Variants in CELF2 observed in about 807,000 individuals in gnomAD.
CELF2 encodes the protein CUGBP Elav-like family member 2.
In CELF2, 8 loss-of-function variants were observed where a neutral mutation model predicts 62.6. The observed-to-expected ratio is 0.13, with a 90% CI of 0.07 to 0.23. The LOEUF (loss-of-function observed/expected upper bound fraction) is 0.23. Ranked by LOEUF, CELF2 falls within the 10% of genes least tolerant of loss-of-function variation. CELF2 has a pLI of 1.00. For synonymous variants in CELF2, 258 were observed against 250.0 expected, an observed-to-expected ratio of 1.03 and a Z score of -0.30; for missense variants, 333 against 671.0, an observed-to-expected ratio of 0.50 and a Z score of 5.56.
chr10:10,895,660 C>T (rs2062494122), intron 1 of CELF2, among the ~76,000 whole-genome samples: 1 of 152,174 alleles, frequency 6.6e-6, no homozygotes, highest in Admixed American at 6.5e-5. Flanking sequence ...AGGATATCTG[C>T]TTCTGACCCA....
At chr10:10,497,320 A>C in the CELF2 span, among the ~76,000 whole-genome samples, 1 of 152,128 alleles carries the variant, frequency 6.6e-6, no homozygotes. Flanking sequence ...ACAGAGGAAG[A>C]GAAACAAAGG....
At chr10:10,906,870 C>T (rs181052035) in intron 1 of CELF2, among the ~76,000 whole-genome samples, 4 of 151,974 alleles carry the variant, frequency 2.6e-5, no homozygotes, top group East Asian at 1.9e-4. Flanking sequence ...AGGCACAAGC[C>T]GCCACACCCA....
chr10:10,900,248 T>C (rs377146212), intron 1 of CELF2, among the ~76,000 whole-genome samples: 89 of 152,332 alleles, frequency 5.8e-4, no homozygotes, highest in African/African-American at 2.0e-3. Flanking sequence ...CATCACCCTG[T>C]TAGCACAAGC....
the CELF2 span, among the ~76,000 whole-genome samples, chr10:10,556,458 G>C: frequency 6.6e-6 from 1 of 152,192 alleles, no homozygotes; most frequent in Admixed American, 6.5e-5. Flanking sequence ...TTGGTTCCAA[G>C]TCTTTGCTAT....
chr10:11,136,037 A>G (rs1014509496), intron 1 of CELF2, among the ~76,000 whole-genome samples: 2 of 152,184 alleles, frequency 1.3e-5, no homozygotes, highest in African/African-American at 4.8e-5. Context: ...ACTTGGCTAG[A>G]TGGTGGGAAT....
chr10:10,966,655 G>A lies in CELF2; in HGVS notation c.89+46656G>A, dbSNP rs543445736. On this transcript the variant is annotated intron_variant, in intron 2 of 13. Coordinates refer to the CELF2 transcript ENST00000636488. The stretch of plus-strand genomic sequence containing the variant: ...AATCTAAATGCCTGGAGCTGAGCAG[G>A]TGTTTCATGTCGAGAAAGAGAAGAA... The A allele has an allele frequency of 1.2e-4, 18 of 152,328 alleles. No individual in the cohort carries two copies. The East Asian group carries it at 3.5e-3, about 29-fold the overall frequency. The allele number at this position is 152,328 out of a possible 1,614,324, so 9.4% of individuals were successfully genotyped here.
At chr10:10,744,699 G>A in the CELF2 span, among the ~76,000 whole-genome samples, 1 of 151,304 alleles carries the variant, frequency 6.6e-6, no homozygotes, top group African/African-American at 2.4e-5. Context: ...TTTTTAGCAA[G>A]CATCCATGGA....
chr10:11,307,854 T>C (rs750292072), intron 9 of CELF2, among the ~76,000 whole-genome samples: 2 of 152,196 alleles, frequency 1.3e-5, no homozygotes, highest in Non-Finnish European at 2.9e-5. Context: ...TGATGCCCCA[T>C]GCCAGCCAAC....
intron 1 of CELF2, among the ~76,000 whole-genome samples, chr10:11,019,188 G>A (rs538477697): frequency 2.4e-4 from 36 of 152,266 alleles, no homozygotes; most frequent in South Asian, 8.3e-4. Flanking sequence ...GGCATGTTAG[G>A]AAAAGGAAAC....
intron 1 of CELF2, among the ~76,000 whole-genome samples, chr10:10,868,246 T>C (rs2060508326): frequency 6.6e-6 from 1 of 152,168 alleles, no homozygotes; most frequent in Non-Finnish European, 1.5e-5. Context: ...TGACGTCAGA[T>C]GTTGGCTAGG....
At chr10:10,566,319 T>G in the CELF2 span, among the ~76,000 whole-genome samples, 1 of 150,418 alleles carries the variant, frequency 6.6e-6, no homozygotes, top group African/African-American at 2.5e-5. Context: ...AAAAAAAAAA[T>G]AGTGTCCCAG....
rs1472826000 is a variant in CELF2 at position 11,005,996 on chromosome 10, T to C, written c.53+556T>C. Among the ~76,000 whole-genome samples, 1 of 152,178 alleles carries C rather than the reference T, an allele frequency of 6.6e-6. No homozygotes were observed. The highest frequency in any genetic ancestry group is 2.4e-5 in the African/African-American group (1 of 41,440). On this transcript the variant is annotated intron_variant, in intron 1 of 12. Transcript: ENST00000416382. The surrounding 1 kb of genome is among the most constrained non-coding windows in gnomAD (Gnocchi z 4.3). ...TCATGCATGGCGTCCTGGGTCCCCA[T>C]GTATTGAAAGCAAATATTTGTTTCC...
the CELF2 span, among the ~76,000 whole-genome samples, chr10:10,591,487 A>T: frequency 4.4e-3 from 664 of 152,204 alleles, 1 homozygote; most frequent in African/African-American, 0.016. Flanking sequence ...TGAAATACTG[A>T]ATGTTTATCT....
At chr10:11,187,239 T>G (rs1332480226) in intron 2 of CELF2, among the ~76,000 whole-genome samples, 1 of 152,188 alleles carries the variant, frequency 6.6e-6, no homozygotes, top group African/African-American at 2.4e-5. Context: ...ATATTTAGAA[T>G]TTTTGTGTTC....
chr10:11,175,794 C>T (rs571911038), intron 2 of CELF2, among the ~76,000 whole-genome samples: 21 of 152,184 alleles, frequency 1.4e-4, no homozygotes, highest in Non-Finnish European at 2.9e-4. Context: ...TTTACCAAAG[C>T]ACCAGTCATG....
chr10:10,523,418 G>A, the CELF2 span, among the ~76,000 whole-genome samples: 3 of 152,126 alleles, frequency 2.0e-5, no homozygotes, highest in African/African-American at 4.8e-5. Flanking sequence ...AACTTTTATT[G>A]TATTAACAGT....
chr10:10,859,298 A>G lies in CELF2; in HGVS notation c.53+60481A>G, dbSNP rs188185519. Among the ~76,000 whole-genome samples the G allele has an allele frequency of 2.0e-4, 30 of 152,284 alleles. No individual in the cohort carries two copies. In the East Asian group the frequency reaches 4.6e-3, roughly 24 times the overall value. ...AAGATAGTTAATTTTTATTATCCTAATTAGAATCTAATTTCAGGACTTCTT... is the reference window on the plus strand; with the variant it reads ...AAGATAGTTAATTTTTATTATCCTAGTTAGAATCTAATTTCAGGACTTCTT... On this transcript the variant is annotated intron_variant, in intron 1 of 13. Coordinates refer to the CELF2 transcript ENST00000636488.
rs796857171 is a variant in CELF2, at chr10:10,908,214, ATTTTTT to A, written c.54-11732_54-11727del. ...TCCTTGTCAAAGAATGTATGAGGGG[ATTTTTT>A]TTTTTTTTTTTTTTTTTGAAACAGA... is the stretch of plus-strand genomic sequence containing the variant. On this transcript the variant is annotated intron_variant, in intron 1 of 13. Transcript: ENST00000636488. Among the ~76,000 whole-genome samples the A allele has an allele frequency of 1.6e-4, 13 of 83,738 alleles. 1 individual carries two copies. The highest frequency in any genetic ancestry group is 3.4e-4 in the African/African-American group (7 of 20,638). 54.9% of individuals were successfully genotyped at this position (83,738 alleles called of 152,430 possible).
chr10:10,854,950 C>T lies in CELF2; in HGVS notation c.53+56133C>T, dbSNP rs536521972. Among the ~76,000 whole-genome samples, 33 of 152,110 alleles carry T rather than the reference C, an allele frequency of 2.2e-4. No individual in the cohort carries two copies. The South Asian group carries it at 6.9e-3, about 32-fold the overall frequency. On this transcript the variant is annotated intron_variant, in intron 1 of 13. Transcript: ENST00000636488. ...CGTCCACCTGTCAAGCCTGGATGAACAAGTTCAGATTTCCAACACGATGAG... is the reference window on the plus strand; with the variant it reads ...CGTCCACCTGTCAAGCCTGGATGAATAAGTTCAGATTTCCAACACGATGAG...
Sources: gnomAD v4.1 joint callset for allele counts (sites outside exome capture counted in the v4.1 genomes callset) on GRCh38, gnomAD v4.1.1 for gene constraint, Gnocchi (gnomAD v3.1) non-coding constraint, MANE v1.5 for transcripts, NCBI Gene and HGNC (gene_info 2026-07-23, HGNC 2026-07-21) for gene names.